Variants in BBS12 observed in about 807,000 individuals in gnomAD.
The protein encoded by BBS12 is Bardet-Biedl syndrome 12, also known as chaperonin-containing T-complex member BBS12.
A neutral mutation model predicts 5.6 loss-of-function variants in BBS12; 5 were observed. The observed-to-expected ratio is 0.89, with a 90% CI of 0.46 to 1.86. BBS12 has a LOEUF of 1.86. Among genes scored for constraint, BBS12 ranks in the 40% most tolerant of loss-of-function variants. BBS12 has a pLI of 0.01. For missense variants in BBS12, 748 were observed against 830.4 expected (o/e 0.90, Z 1.22); for synonymous variants, 308 against 306.8 (o/e 1.00, Z -0.04).
chr4:122,707,972 C>CCTTCCTTT, the BBS12 span, among the ~76,000 whole-genome samples: 5 of 124,632 alleles, frequency 4.0e-5, no homozygotes, highest in African/African-American at 1.6e-4. Flanking sequence ...TTCCTTCCTT[C>CCTTCCTTT]CTTTCTTTCT....
At chr4:122,735,651 TG>T (rs1176683367) in intron 1 of BBS12, among the ~76,000 whole-genome samples, 3 of 152,156 alleles carry the variant, frequency 2.0e-5, no homozygotes, top group Non-Finnish European at 4.4e-5. Context: ...TACTTAAATT[TG>T]GGGGAACAAA....
chr4:122,735,301 C>T (rs1002996492), intron 1 of BBS12, among the ~76,000 whole-genome samples: 5 of 152,050 alleles, frequency 3.3e-5, no homozygotes, highest in African/African-American at 1.2e-4. Context: ...TATGTTCTAG[C>T]GTGACAAGAT....
At chr4:122,740,659 A>G (rs903182677) in intron 1 of BBS12, among the ~76,000 whole-genome samples, 1 of 152,206 alleles carries the variant, frequency 6.6e-6, no homozygotes, top group Non-Finnish European at 1.5e-5. Context: ...TGCATGAATG[A>G]ATGAAACGAA....
the BBS12 span, among the ~76,000 whole-genome samples, chr4:122,717,610 A>G: frequency 6.6e-6 from 1 of 152,098 alleles, no homozygotes; most frequent in Non-Finnish European, 1.5e-5. Context: ...GCTCACTGTA[A>G]CCTCGACCAC....
the BBS12 span, among the ~76,000 whole-genome samples, chr4:122,708,693 A>T: frequency 6.2e-4 from 95 of 152,320 alleles, no homozygotes; most frequent in African/African-American, 2.1e-3. Flanking sequence ...AAAAAATGAT[A>T]GGTAATCAAG....
intron 1 of BBS12, among the ~76,000 whole-genome samples, chr4:122,733,395 A>T: frequency 6.9e-6 from 1 of 145,726 alleles, no homozygotes; most frequent in African/African-American, 2.6e-5. Context: ...ACACACACAC[A>T]CACACACACA....
At chr4:122,703,854 T>C in the BBS12 span, among the ~76,000 whole-genome samples, 1 of 152,216 alleles carries the variant, frequency 6.6e-6, no homozygotes, top group Non-Finnish European at 1.5e-5. Context: ...AATTAATTTA[T>C]TCATTTATTT....
chr4:122,728,683 G>A (rs1389046499), upstream of BBS12: 1 of 152,180 alleles, frequency 6.6e-6, no homozygotes, highest in Non-Finnish European at 1.5e-5. Context: ...CAAAGACACT[G>A]TGAAAACACT....
the BBS12 span, among the ~76,000 whole-genome samples, chr4:122,708,240 G>A: frequency 6.6e-6 from 1 of 151,920 alleles, no homozygotes; most frequent in African/African-American, 2.4e-5. Context: ...TGAACTCCTG[G>A]GCTCAAGTGA....
At chr4:122,730,337 CAAAG>C (rs1800681593), upstream of BBS12, 1 of 152,094 alleles carries the variant, frequency 6.6e-6, no homozygotes. Context: ...ATTAATGGCT[CAAAG>C]AAGTCATTAT....
At chr4:122,716,554 C>CACATATGTATATATAA in the BBS12 span, among the ~76,000 whole-genome samples, 2 of 148,546 alleles carry the variant, frequency 1.3e-5, no homozygotes, top group Non-Finnish European at 1.5e-5. Flanking sequence ...TGTATATATA[C>CACATATGTATATATAA]ACATATGTAT....
chr4:122,720,250 A>G, the BBS12 span, among the ~76,000 whole-genome samples: 1 of 152,220 alleles, frequency 6.6e-6, no homozygotes, highest in Non-Finnish European at 1.5e-5. Context: ...CAGGAGTTCG[A>G]GACCAGCCTG....
intron 1 of BBS12, among the ~76,000 whole-genome samples, chr4:122,738,638 G>T (rs72671080): frequency 6.6e-6 from 1 of 152,056 alleles, no homozygotes; most frequent in Non-Finnish European, 1.5e-5. Flanking sequence ...TGTCCAGAAT[G>T]TATAAGGAAC....
Position 122,741,887 on chromosome 4 carries a change from T to C in BBS12, c.-6T>C. 1 of 1,613,524 alleles carries C rather than the reference T, an allele frequency of 6.2e-7. No individual in the cohort carries two copies. The highest frequency in any genetic ancestry group is 8.5e-7 in the Non-Finnish European group (1 of 1,179,498). On this transcript the variant is annotated 5_prime_UTR_variant, in exon 2 of 2. An upstream start codon of the reference 5' UTR is lost. Transcript: ENST00000314218. ...AAGTTTTTATTTTGTTTGCAGATCA[T>C]GATACATGGTGATGGCTTGCAGAGT... is the stretch of plus-strand genomic sequence containing the variant.
At position 122,743,270 on chromosome 4, in the gene BBS12, G is replaced by A. The variant is rs776267938; in HGVS notation, c.1378G>A (p.Val460Met). 1.2e-6 allele frequency: 2 copies of A among 1,614,240 alleles called. 1 individual carries two copies. The highest frequency in any genetic ancestry group is 2.2e-5 in the South Asian group (2 of 91,086). ...GAVQVAYITQVNEDCVGDGVC... is the reference protein window; with the variant it reads ...GAVQVAYITQMNEDCVGDGVC... ...AGTACAGGTGGCCTACATTACACAAGTGAATGAAGATTGTGTGGGCGACGG... is the reference window on the plus strand; with the variant it reads ...AGTACAGGTGGCCTACATTACACAAATGAATGAAGATTGTGTGGGCGACGG... The change falls in exon 2 of 2, where the codon GTG becomes ATG. Residue 460 changes from valine (V) to methionine (M), a missense_variant. Val to Met is a conservative substitution (Grantham distance 21). Coordinates refer to ENST00000314218, the MANE Select transcript of BBS12 (RefSeq NM_152618.3).
chr4:122,713,728 A>G, the BBS12 span, among the ~76,000 whole-genome samples: 1 of 152,212 alleles, frequency 6.6e-6, no homozygotes, highest in Non-Finnish European at 1.5e-5. Context: ...CATGGCTGTA[A>G]AAGATGAGAT....
At chr4:122,732,681 G>C (rs1473964975), upstream of BBS12, 2 of 152,422 alleles carry the variant, frequency 1.3e-5, no homozygotes, top group Non-Finnish European at 2.9e-5. Flanking sequence ...GGCGTTAAGC[G>C]GAACTTCTCT....
chr4:122,741,857 G>A (rs200109721), intron 1 of BBS12, 26 bp from the exon 2 acceptor site: 77 of 1,580,286 alleles, frequency 4.9e-5, no homozygotes, highest in African/African-American at 8.1e-5. Context: ...ACTGAATAAA[G>A]TTACAAGTTT....
the BBS12 span, among the ~76,000 whole-genome samples, chr4:122,703,197 C>A: frequency 6.6e-6 from 1 of 152,070 alleles, no homozygotes; most frequent in East Asian, 1.9e-4. Flanking sequence ...GGTCTCCTTT[C>A]CTAAGTGGGC....
Sources: allele counts gnomAD v4.1 joint callset (sites outside exome capture counted in the v4.1 genomes callset), GRCh38; gene constraint gnomAD v4.1.1; transcripts MANE v1.5; gene names NCBI Gene and HGNC (gene_info 2026-07-23, HGNC 2026-07-21).